Variants in SFMBT1 observed in about 807,000 individuals in gnomAD.
The protein encoded by SFMBT1 is scm-like with four MBT domains protein 1.
SFMBT1 carries 32 observed loss-of-function variants against 108.7 expected under a neutral mutation model. That is an observed-to-expected ratio of 0.29 (90% CI 0.22 to 0.40). The LOEUF (loss-of-function observed/expected upper bound fraction) is 0.40, where lower values mean the gene tolerates loss of function less well. Among genes scored for constraint, SFMBT1 ranks in the 10% least tolerant of loss-of-function variants. SFMBT1 has a pLI of 1.00. For missense variants in SFMBT1, 816 were observed against 1,059.6 expected (o/e 0.77, Z 3.19); for synonymous variants, 348 against 369.5 (o/e 0.94, Z 0.67).
intron 1 of SFMBT1, among the ~76,000 whole-genome samples, chr3:52,991,606 A>G (rs1449469301): frequency 6.6e-6 from 1 of 152,106 alleles, no homozygotes; most frequent in Non-Finnish European, 1.5e-5. Flanking sequence ...GGCCTCCCAA[A>G]GTGCTGTGAT....
At chr3:52,919,994 T>C (rs1702471721) in intron 12 of SFMBT1, among the ~76,000 whole-genome samples, 1 of 152,186 alleles carries the variant, frequency 6.6e-6, no homozygotes, top group African/African-American at 2.4e-5. Context: ...AGTACTCTTA[T>C]AAAAGAGATC....
chr3:52,929,236 C>CTTTA (rs747651621), intron 8 of SFMBT1, among the ~76,000 whole-genome samples: 278 of 151,954 alleles, frequency 1.8e-3, no homozygotes, highest in Admixed American at 6.4e-3. Flanking sequence ...AAAGAACGAA[C>CTTTA]TTTATTTATT....
At position 52,947,821 on chromosome 3, in the gene SFMBT1, G is replaced by A. The variant is rs1339300316; in HGVS notation, c.124-4228C>T. Among the ~76,000 whole-genome samples the A allele has an allele frequency of 2.6e-5, 4 of 150,998 alleles. No individual in the cohort carries two copies. The East Asian group carries it at 5.8e-4, about 22-fold the overall frequency. On this transcript the variant is annotated intron_variant, in intron 3 of 20. Coordinates refer to ENST00000394752, the MANE Select transcript of SFMBT1 (RefSeq NM_016329.4). ...GCGATCTCAGCTCACTGCAACCTCT[G>A]CCTCCCGGGCTCAAGTGATTCTCCT...
intron 2 of SFMBT1, among the ~76,000 whole-genome samples, chr3:52,966,364 GC>G (rs1255793168): frequency 6.7e-6 from 1 of 149,974 alleles, no homozygotes; most frequent in Non-Finnish European, 1.5e-5. Context: ...GGTGGCTCAC[GC>G]CTGTAATCCC....
chr3:52,918,389 C>A, intron 13 of SFMBT1, 95 bp downstream of exon 13: 1 of 951,300 alleles, frequency 1.1e-6, no homozygotes, highest in Non-Finnish European at 1.5e-6. Flanking sequence ...AAAAATTATG[C>A]TTCCATCTGA....
Position 52,931,022 on chromosome 3 carries a change from T to C in SFMBT1, c.714A>G (p.Leu238=). ...ELQPPSAIRH[L]KNEAEWQEIL... ...TCTCTTGCCACTCAGCTTCATTTTTTAGATGTCTAATGGCTTTAATAAAAC... is the reference window on the plus strand; with the variant it reads ...TCTCTTGCCACTCAGCTTCATTTTTCAGATGTCTAATGGCTTTAATAAAAC... Residue 238 remains leucine (L), a synonymous_variant, in exon 7 of 21, where the codon CTA becomes CTG. Coordinates refer to ENST00000394752, the MANE Select transcript of SFMBT1 (RefSeq NM_016329.4). 6.2e-7 allele frequency: 1 copy of C among 1,613,992 alleles called. No homozygotes were observed. The highest frequency in any genetic ancestry group is 8.5e-7 in the Non-Finnish European group (1 of 1,179,864).
chr3:52,926,783 G>A (rs1414740272), intron 9 of SFMBT1, among the ~76,000 whole-genome samples: 3 of 152,068 alleles, frequency 2.0e-5, no homozygotes, highest in Admixed American at 1.3e-4. Context: ...AGAGCTGAGC[G>A]AGGCCCAACT....
Position 52,990,833 on chromosome 3 carries a change from C to T in SFMBT1, c.-130-21575G>A, listed in dbSNP as rs567268856. Among the ~76,000 whole-genome samples the T allele has an allele frequency of 3.1e-4, 47 of 152,248 alleles. 2 individuals are homozygous for T. The South Asian group carries it at 9.3e-3, about 30-fold the overall frequency. ...CAAGGAAATAAACCTAATGAACAAA[C>T]ATTACTACTATGGGGTGATGTCAAC... On this transcript the variant is annotated intron_variant, in intron 1 of 20. Coordinates refer to ENST00000394752, the MANE Select transcript of SFMBT1 (RefSeq NM_016329.4).
At chr3:52,907,376 T>A (rs1702090926) in intron 18 of SFMBT1, 62 bp from the exon 19 acceptor site, 7 of 1,545,250 alleles carry the variant, frequency 4.5e-6, no homozygotes, top group Admixed American at 4.3e-5. Flanking sequence ...TTTCATATGA[T>A]TAAAAAAAAA....
At chr3:52,972,567 T>G (rs554388747) in intron 1 of SFMBT1, among the ~76,000 whole-genome samples, 1 of 152,274 alleles carries the variant, frequency 6.6e-6, no homozygotes, top group East Asian at 1.9e-4. Flanking sequence ...TTTTATCATT[T>G]ATTTTGGTAT....
At chr3:52,975,188 G>A (rs957371623) in intron 1 of SFMBT1, among the ~76,000 whole-genome samples, 1 of 152,188 alleles carries the variant, frequency 6.6e-6, no homozygotes, top group African/African-American at 2.4e-5. Flanking sequence ...AAGTGAAACT[G>A]TGGAGCCAAT....
At chr3:52,952,937 CACA>C (rs1703645031) in intron 3 of SFMBT1, among the ~76,000 whole-genome samples, 1 of 152,142 alleles carries the variant, frequency 6.6e-6, no homozygotes, top group Admixed American at 6.5e-5. Context: ...CATGTGAAGA[CACA>C]GCAAGGTGGC....
intron 5 of SFMBT1, 68 bp downstream of exon 5, chr3:52,934,745 C>T (rs1559516865): frequency 3.7e-6 from 5 of 1,338,920 alleles, no homozygotes; most frequent in Non-Finnish European, 5.2e-6. Context: ...AAATAAGCAA[C>T]CGATTTTAAG....
At chr3:53,027,025 C>A (rs929764640) in intron 1 of SFMBT1, among the ~76,000 whole-genome samples, 6 of 152,132 alleles carry the variant, frequency 3.9e-5, no homozygotes, top group African/African-American at 1.2e-4. Context: ...TCAACTAATC[C>A]TCCCTCCTTG....
intron 1 of SFMBT1, among the ~76,000 whole-genome samples, chr3:53,003,121 C>CAAAAAA (rs397894876): frequency 5.8e-4 from 36 of 61,914 alleles, no homozygotes; most frequent in East Asian, 1.1e-3. Context: ...GACTCCATCA[C>CAAAAAA]AAAAAAAAAA....
chr3:52,911,209 T>C (rs371303054), intron 16 of SFMBT1, 31 bp from the exon 17 acceptor site: 28 of 1,563,448 alleles, frequency 1.8e-5, no homozygotes, highest in Non-Finnish European at 2.3e-5. Flanking sequence ...ATGCCAAATA[T>C]ATTGGGCTAA....
intron 1 of SFMBT1, among the ~76,000 whole-genome samples, chr3:52,969,506 C>T (rs1317024859): frequency 6.6e-6 from 1 of 152,158 alleles, no homozygotes; most frequent in Non-Finnish European, 1.5e-5. Flanking sequence ...AAATCTAAAA[C>T]TCACAACAAA....
rs1223451413 is a variant in SFMBT1, at chr3:52,904,946, C to A, written c.*190G>T. 2 of 550,990 alleles carry A rather than the reference C, an allele frequency of 3.6e-6. No homozygotes were observed. The highest frequency in any genetic ancestry group is 6.0e-6 in the Non-Finnish European group (2 of 333,810). The allele number at this position is 550,990 out of a possible 1,614,324, so 34.1% of individuals were successfully genotyped here. A position where few individuals can be genotyped will look rare whatever the true frequency, so the allele number is the denominator to read the frequency against. On this transcript the variant is annotated 3_prime_UTR_variant, in exon 21 of 21. Coordinates refer to ENST00000394752, the MANE Select transcript of SFMBT1 (RefSeq NM_016329.4). Reference sequence around the variant, plus strand: ...CAAGAGATGTCCACATTTCCACCAGCAGGTGATCCACTTCTGTGCACAGTT... The same window carrying A: ...CAAGAGATGTCCACATTTCCACCAGAAGGTGATCCACTTCTGTGCACAGTT...
Position 53,033,230 on chromosome 3 carries a change from G to A in SFMBT1, c.-131+12586C>T, listed in dbSNP as rs1030245562. On this transcript the variant is annotated intron_variant, in intron 1 of 20. Transcript: ENST00000394752. The stretch of plus-strand genomic sequence containing the variant: ...GGCTGGAGTGCAGTGGCGCAATCTC[G>A]GCTCACTGCAGTCTCCGCCTCCCAG... Among the ~76,000 whole-genome samples, 28 of 151,220 alleles carry A rather than the reference G, an allele frequency of 1.9e-4. 1 individual carries two copies. Among genetic ancestry groups the A allele is most frequent in the Admixed American group, 1.3e-3 (19 of 15,150 alleles).
Sources: allele counts gnomAD v4.1 joint callset (sites outside exome capture counted in the v4.1 genomes callset), GRCh38; gene constraint gnomAD v4.1.1; transcripts MANE v1.5; gene names NCBI Gene and HGNC (gene_info 2026-07-23, HGNC 2026-07-21).